The following UBA7 variants were observed in gnomAD, a reference collection of about 807,000 sequenced individuals.
UBA7 encodes ubiquitin-like modifier-activating enzyme 7.
In UBA7, 88 loss-of-function variants were observed where a neutral mutation model predicts 113.0. The observed-to-expected ratio is 0.78, with a 90% confidence interval of 0.66 to 0.93. UBA7 has a LOEUF of 0.93. UBA7 is among the 40% of genes least tolerant of loss of function. The pLI, the probability that UBA7 is intolerant of heterozygous loss-of-function variation, is 0.00. For missense variants in UBA7, 1,092 were observed against 1,266.4 expected, an observed-to-expected ratio of 0.86 and a Z score of 2.09; for synonymous variants, 459 against 513.0, an observed-to-expected ratio of 0.89 and a Z score of 1.42.
chr3:49,808,530 C>A, intron 18 of UBA7, 62 bp from the exon 19 acceptor site: 2 of 1,546,456 alleles, frequency 1.3e-6, no homozygotes, highest in Non-Finnish European at 8.8e-7. Flanking sequence ...CTTCTTGGAG[C>A]CCTGTGCCTA....
At chr3:49,809,905 G>A in intron 14 of UBA7, 26 bp from the exon 15 acceptor site, 1 of 1,614,172 alleles carries the variant, frequency 6.2e-7, no homozygotes, top group Non-Finnish European at 8.5e-7. Flanking sequence ...GAAGAATGAG[G>A]TATCAGGTGG....
Position 49,805,981 on chromosome 3 carries a change from C to T in UBA7, c.2825G>A (p.Arg942Lys), listed in dbSNP as rs991177309. ...LAHLQEQHGLRVRILLHGSAL... is the reference protein window; with the variant it reads ...LAHLQEQHGLKVRILLHGSAL... ...TGAGCCGTGCAGCAGGATCCTCACC[C>T]TCAACCCGTGCTGCTCCTAGAGGAG... is the stretch of plus-strand genomic sequence containing the variant. Residue 942 changes from arginine (R) to lysine (K), a missense_variant, in exon 23 of 24, where the codon AGG becomes AAG. Arg to Lys is a conservative substitution (Grantham distance 26). Around this residue, in one of 3 missense-constraint regions of UBA7, gnomAD observed 500 missense variants for 529.3 expected, o/e 0.94. Coordinates refer to ENST00000333486, the MANE Select transcript of UBA7 (RefSeq NM_003335.3). 24 of 1,566,820 alleles carry T rather than the reference C, an allele frequency of 1.5e-5. No individual in the cohort carries two copies. The highest frequency in any genetic ancestry group is 1.7e-4 in the Middle Eastern group (1 of 6,028).
Position 49,807,682 on chromosome 3 carries a change from G to A in UBA7, c.2715+54C>T. 6.5e-7 allele frequency: 1 copy of A among 1,548,214 alleles called. No homozygotes were observed. The highest frequency in any genetic ancestry group is 1.4e-5 in the African/African-American group (1 of 73,480). On this transcript the variant is annotated intron_variant, in intron 21 of 23. Coordinates refer to ENST00000333486, the MANE Select transcript of UBA7 (RefSeq NM_003335.3). The surrounding 1 kb of genome is among the most constrained non-coding windows in gnomAD (Gnocchi z 4.0). ...GCTAGATTGGGGCCTGTATGGGCAG[G>A]TGCAGGGGAAACCCAGGCCTAGTAG...
Position 49,809,554 on chromosome 3 carries a change from G to C in UBA7, c.2076C>G (p.Phe692Leu). ...HYGIKQLLRH[F>L]PPNKVLEDGT... ...CCTAGCCACACACTTTATTAGGTGG[G>C]AAGTGCCTCAGCAGCTGTTTGATGC... The change falls in exon 16 of 24, where the codon TTC becomes TTG. Residue 692 changes from phenylalanine (F) to leucine (L), a missense_variant. Transcript: ENST00000333486. The C allele has an allele frequency of 6.2e-7, 1 of 1,614,154 alleles. No individual in the cohort carries two copies. Among genetic ancestry groups the C allele is most frequent in the Non-Finnish European group, 8.5e-7 (1 of 1,180,032 alleles).
At position 49,813,064 on chromosome 3, in the gene UBA7, C is replaced by G. The variant is rs566509075; in HGVS notation, c.465G>C (p.Val155=). ...CFLAADTRGL[V]GQLFCDFGED... ...GCTGGGCAGGCAGTCTTACTCACCC[C>G]ACGAGGCCCCGGGTGTCAGCCGCCA... Residue 155 remains valine, a splice_region_variant and synonymous_variant, in exon 4 of 24, where the codon GTG becomes GTC. Coordinates refer to ENST00000333486, the MANE Select transcript of UBA7 (RefSeq NM_003335.3). 1.5e-4 allele frequency: 244 copies of G among 1,612,638 alleles called. 2 individuals carry two copies. The South Asian group carries it at 2.5e-3, about 16-fold the overall frequency.
Position 49,811,085 on chromosome 3 carries a change from A to C in UBA7, c.1129T>G (p.Ser377Ala), listed in dbSNP as rs774478164. ...TGGTCCAGAGGCATGAACTTCCTGG[A>C]GATTGCCTAGGGGCAGCACTTCAGG... ...VAAQEVLKAI[S>A]RKFMPLDQWL... is the part of the protein sequence containing the mutation. Residue 377 changes from serine to alanine, a missense_variant, in exon 10 of 24, where the codon TCC becomes GCC. Ser to Ala is a moderately conservative substitution (Grantham distance 99, BLOSUM62 1). This residue lies in a region of UBA7 where 584 missense variants were observed against 714.5 expected (regional missense o/e 0.82). Coordinates refer to ENST00000333486, the MANE Select transcript of UBA7 (RefSeq NM_003335.3). 8.1e-6 allele frequency: 13 copies of C among 1,613,906 alleles called. No homozygotes were observed. In the South Asian group the frequency reaches 1.3e-4, roughly 16 times the overall value.
rs1372259159 is a variant in UBA7 at position 49,812,262 on chromosome 3, C to G, written c.695-56G>C. ...TCCTTGAGCCTGAGTAGTTCCCACA[C>G]CCCATCCTATCTTGCATCTGTGTCC... is the stretch of plus-strand genomic sequence containing the variant. On this transcript the variant is annotated intron_variant, in intron 6 of 23. Transcript: ENST00000333486. 3.1e-6 allele frequency: 5 copies of G among 1,610,976 alleles called. No individual in the cohort carries two copies. The Admixed American group carries it at 8.3e-5, about 27-fold the overall frequency.
chr3:49,807,901 G>C lies in UBA7; in HGVS notation c.2550C>G (p.Ile850Met), dbSNP rs1438916403. ...AQSKRIVGQI[I>M]PAIATTTAAV... ...CTGCTGTAGTGGTGGCAATGGCTGG[G>C]ATAATCTGGCCCACAATTCGCTTGC... Residue 850 changes from isoleucine to methionine, a missense_variant, in exon 21 of 24, where the codon ATC becomes ATG. This residue lies in a region of UBA7 where 500 missense variants were observed against 529.3 expected (regional missense o/e 0.94). Coordinates refer to ENST00000333486, the MANE Select transcript of UBA7 (RefSeq NM_003335.3). The surrounding 1 kb of genome is among the most constrained non-coding windows in gnomAD (Gnocchi z 4.0). 2.5e-6 allele frequency: 4 copies of C among 1,612,652 alleles called. No homozygotes were observed. The African/African-American group carries it at 5.3e-5, about 22-fold the overall frequency.
At position 49,813,634 on chromosome 3, in the gene UBA7, A is replaced by G; in HGVS notation, c.70T>C (p.Ser24Pro). 6.2e-7 allele frequency: 1 copy of G among 1,614,252 alleles called. No individual in the cohort carries two copies. The highest frequency in any genetic ancestry group is 1.1e-5 in the South Asian group (1 of 91,086). ...LYSRQLYVLG[S>P]PAMQRIQGAR... The stretch of plus-strand genomic sequence containing the variant: ...CCCTGAATCCTCTGCATGGCAGGTG[A>G]GCCCAGCACATACCTGTGGATGGGA... The change falls in exon 2 of 24, where the codon TCA becomes CCA. Residue 24 changes from serine to proline, a missense_variant. Coordinates refer to ENST00000333486, the MANE Select transcript of UBA7 (RefSeq NM_003335.3).
At chr3:49,808,197 C>G in intron 19 of UBA7, 85 bp from the exon 20 acceptor site, 1 of 1,565,704 alleles carries the variant, frequency 6.4e-7, no homozygotes, top group South Asian at 1.1e-5. Context: ...CAAGTCTCCA[C>G]ACAGTTCTGT....
At position 49,812,388 on chromosome 3, in the gene UBA7, T is replaced by C; in HGVS notation, c.694+20A>G. On this transcript the variant is annotated intron_variant, in intron 6 of 23. Coordinates refer to ENST00000333486, the MANE Select transcript of UBA7 (RefSeq NM_003335.3). Reference sequence around the variant, plus strand: ...GGAGGCTTGGGCCCTGCACCTGGAATTGGAATGGGATTGGCTTACCCCGCA... The same window carrying C: ...GGAGGCTTGGGCCCTGCACCTGGAACTGGAATGGGATTGGCTTACCCCGCA... 6.2e-7 allele frequency: 1 copy of C among 1,613,908 alleles called. No homozygotes were observed. Among genetic ancestry groups the C allele is most frequent in the Non-Finnish European group, 8.5e-7 (1 of 1,179,864 alleles).
In UBA7 at chr3:49,811,403, C is replaced by T. The variant is rs12486358; in HGVS notation, c.992G>A (p.Arg331Gln). ...CTCTTCCAGTGGCTCTTCCTCTGTC[C>T]GCTTCAGTGGTTCCAGGTCCCGGGC... is the stretch of plus-strand genomic sequence containing the variant. ...GLARDLEPLKRTEEEPLEEPL... is the reference protein window; with the variant it reads ...GLARDLEPLKQTEEEPLEEPL... Residue 331 changes from arginine (R) to glutamine (Q), a missense_variant, in exon 9 of 24, where the codon CGG (arginine) becomes CAG (glutamine). Arg to Gln is a conservative substitution (Grantham distance 43). Transcript: ENST00000333486. 1.5e-4 allele frequency: 240 copies of T among 1,610,406 alleles called. 2 individuals carry two copies. The Admixed American group carries it at 3.8e-3, about 26-fold the overall frequency.
In UBA7 at chr3:49,809,848, CG is replaced by C. The variant is rs1403432079; in HGVS notation, c.1870del (p.Arg624AspfsTer29). On this transcript the variant is annotated frameshift_variant, in exon 15 of 24. Transcript: ENST00000333486. LOFTEE classifies it high-confidence loss of function. ...WARHEFEELF[R>X]LSAETINHHQ... is the part of the protein sequence containing the mutation. ...GTGGTTGATGGTCTCTGCAGACAGT[CG>C]GAAGAGTTCTTCAAACTCATGCCGG... is the stretch of plus-strand genomic sequence containing the variant. The C allele has an allele frequency of 4.3e-6, 7 of 1,614,072 alleles. No homozygotes were observed. The highest frequency in any genetic ancestry group is 1.3e-5 in the African/African-American group (1 of 75,006).
In UBA7 at chr3:49,811,736, G is replaced by A; in HGVS notation, c.939+134C>T. On this transcript the variant is annotated intron_variant, in intron 8 of 23. Transcript: ENST00000333486. The stretch of plus-strand genomic sequence containing the variant: ...CAGGATGTGTGCCTGGCACTTCCAT[G>A]GAACCAGTCTCTACTCTAAAGGCTG... 2.1e-6 allele frequency: 3 copies of A among 1,458,706 alleles called. No homozygotes were observed. In the Admixed American group the frequency reaches 6.1e-5, roughly 29 times the overall value. 90.4% of individuals were successfully genotyped at this position (1,458,706 alleles called of 1,614,324 possible).
intron 22 of UBA7, 33 bp from the exon 23 acceptor site, chr3:49,806,030 G>T (rs767444313): frequency 6.4e-7 from 1 of 1,570,186 alleles, no homozygotes; most frequent in Admixed American, 1.9e-5. Flanking sequence ...CAGCTGGGCC[G>T]GGCTGGGCTG....
Position 49,810,732 on chromosome 3 carries a change from A to G in UBA7, c.1311+20T>C. On this transcript the variant is annotated intron_variant, in intron 11 of 23. Coordinates refer to ENST00000333486, the MANE Select transcript of UBA7 (RefSeq NM_003335.3). The surrounding 1 kb of genome is among the most constrained non-coding windows in gnomAD (Gnocchi z 5.6). ...GGCTGGCTCTCCCAAAGGCACCCCC[A>G]GTCTCACCCCACAGCTCACCAGGAG... is the stretch of plus-strand genomic sequence containing the variant. 1 of 1,614,144 alleles carries G rather than the reference A, an allele frequency of 6.2e-7. No homozygotes were observed. The highest frequency in any genetic ancestry group is 8.5e-7 in the Non-Finnish European group (1 of 1,179,996).
At chr3:49,811,798 C>A (rs2081551728) in intron 8 of UBA7, 72 bp downstream of exon 8, 4 of 1,590,334 alleles carry the variant, frequency 2.5e-6, no homozygotes, top group South Asian at 2.3e-5. Context: ...TGTGAATGGT[C>A]ATTGTTGCCT....
At chr3:49,809,339 C>A in intron 17 of UBA7, 51 bp downstream of exon 17, 1 of 1,599,936 alleles carries the variant, frequency 6.3e-7, no homozygotes, top group Non-Finnish European at 8.5e-7. Context: ...CCTACCTCTG[C>A]TCTGAGGGGC....
Position 49,808,995 on chromosome 3 carries a change from A to T in UBA7, c.2328T>A (p.Ala776=). Residue 776 remains alanine (A), a synonymous_variant, in exon 18 of 24, where the codon GCT becomes GCA. Transcript: ENST00000333486. ...CCTCACCAAACTCAGCAGAAGCCGA[A>T]GCCAGCTCTAGATTACTAGCAAAGA... The part of the protein sequence containing the change: ...APIFASNLEL[A]SASAEFGPEQ... The T allele has an allele frequency of 2.5e-6, 4 of 1,613,672 alleles. No individual in the cohort carries two copies. Among genetic ancestry groups the T allele is most frequent in the Non-Finnish European group, 3.4e-6 (4 of 1,179,982 alleles).
Sources: allele counts gnomAD v4.1 joint callset, GRCh38; gene constraint gnomAD v4.1.1; regional missense constraint gnomAD v4.1.1; non-coding constraint Gnocchi (gnomAD v3.1); transcripts MANE v1.5; gene names NCBI Gene and HGNC (gene_info 2026-07-23, HGNC 2026-07-21).